Variants in KLHL32 observed in about 807,000 individuals in gnomAD.
The protein encoded by KLHL32 is kelch-like protein 32.
A neutral mutation model predicts 64.8 loss-of-function variants in KLHL32; 35 were observed. That is an observed-to-expected ratio of 0.54 (90% CI 0.41 to 0.72). The LOEUF (loss-of-function observed/expected upper bound fraction) is 0.72, where lower values mean the gene tolerates loss of function less well. KLHL32 is among the 30% of genes least tolerant of loss of function. The probability of loss-of-function intolerance (pLI) is 0.00; values close to 1 mark genes in which losing one functional copy is unlikely to be tolerated. For synonymous variants in KLHL32, 259 were observed against 281.0 expected (o/e 0.92, Z 0.78); for missense variants, 589 against 768.5 (o/e 0.77, Z 2.76).
chr6:97,101,744 T>C (rs997344918), intron 6 of KLHL32, among the ~76,000 whole-genome samples: 10 of 152,216 alleles, frequency 6.6e-5, no homozygotes, highest in Admixed American at 5.9e-4. Context: ...AGAGCTAGTT[T>C]ATAATCTGTT....
At chr6:96,950,310 C>T (rs1562184915) in intron 1 of KLHL32, among the ~76,000 whole-genome samples, 1 of 151,796 alleles carries the variant, frequency 6.6e-6, no homozygotes, top group South Asian at 2.1e-4. Flanking sequence ...AGGAACATAG[C>T]TCATTCTAGC....
intron 3 of KLHL32, among the ~76,000 whole-genome samples, chr6:96,993,659 C>A (rs770577272): frequency 1.8e-4 from 27 of 152,148 alleles, no homozygotes; most frequent in Non-Finnish European, 3.5e-4. Context: ...GATTTTTACC[C>A]TACTTGCAAG....
chr6:96,975,923 C>T, intron 2 of KLHL32, 74 bp from the exon 3 acceptor site: 1 of 1,274,720 alleles, frequency 7.8e-7, no homozygotes, highest in Non-Finnish European at 1.1e-6. Context: ...AGTCGATGTT[C>T]AAGGAATGAG....
chr6:97,085,165 G>T lies in KLHL32; in HGVS notation c.451G>T (p.Ala151Ser), dbSNP rs1390075386. Reference sequence around the variant, plus strand: ...TAATTACTTGGATCTGTACAGACTTGCTGACCTCTTTAACCTCACTTTGTT... The same window carrying T: ...TAATTACTTGGATCTGTACAGACTTTCTGACCTCTTTAACCTCACTTTGTT... ...SFNYLDLYRL[A>S]DLFNLTLLEK... The change falls in exon 6 of 11, where the codon GCT becomes TCT. Residue 151 changes from alanine to serine, a missense_variant. Ala to Ser is a moderately conservative substitution (Grantham distance 99). Transcript: ENST00000369261. 3.7e-6 allele frequency: 6 copies of T among 1,613,908 alleles called. No individual in the cohort carries two copies. Among genetic ancestry groups the T allele is most frequent in the Non-Finnish European group, 4.2e-6 (5 of 1,180,000 alleles).
chr6:97,117,878 C>G (rs1448214239), intron 7 of KLHL32, among the ~76,000 whole-genome samples: 1 of 151,976 alleles, frequency 6.6e-6, no homozygotes, highest in Non-Finnish European at 1.5e-5. Flanking sequence ...AAATAAGAGG[C>G]TAACTGCAAA....
rs191380365 is a variant in KLHL32 at position 97,040,773 on chromosome 6, G to A, written c.205-719G>A. ...TGGAGGGTAATTGGATCATGGGGGCGATTTCCCCCATGCTGTTCTCATGAT... is the reference window on the plus strand; with the variant it reads ...TGGAGGGTAATTGGATCATGGGGGCAATTTCCCCCATGCTGTTCTCATGAT... On this transcript the variant is annotated intron_variant, in intron 3 of 10. Coordinates refer to ENST00000369261, the MANE Select transcript of KLHL32 (RefSeq NM_052904.4). Among the ~76,000 whole-genome samples, 419 of 152,272 alleles carry A rather than the reference G, an allele frequency of 2.8e-3. 2 individuals carry two copies. The highest frequency in any genetic ancestry group is 6.0e-3 in the South Asian group (29 of 4,826).
intron 1 of KLHL32, among the ~76,000 whole-genome samples, chr6:96,930,982 G>T (rs957270008): frequency 6.6e-5 from 10 of 152,040 alleles, no homozygotes; most frequent in African/African-American, 1.4e-4. Context: ...GTACCTGGCG[G>T]GTACAGACCT....
upstream of KLHL32, among the ~76,000 whole-genome samples, chr6:96,922,106 T>C (rs1286834424): frequency 6.6e-6 from 1 of 152,160 alleles, no homozygotes; most frequent in African/African-American, 2.4e-5. Flanking sequence ...CAATTTCCTA[T>C]AGTGAATATA....
chr6:96,957,247 T>C (rs1315028144), intron 1 of KLHL32, among the ~76,000 whole-genome samples: 1 of 152,186 alleles, frequency 6.6e-6, no homozygotes, highest in South Asian at 2.1e-4. Flanking sequence ...GGAGTCTGGA[T>C]TACATCTAGA....
intron 6 of KLHL32, among the ~76,000 whole-genome samples, chr6:97,097,669 A>G (rs1466411698): frequency 2.0e-5 from 3 of 152,028 alleles, no homozygotes; most frequent in African/African-American, 7.3e-5. Context: ...GCTCAAAGGC[A>G]CAACACATCT....
intron 2 of KLHL32, 87 bp from the exon 3 acceptor site, chr6:96,975,910 C>A (rs1775637880): frequency 1.8e-6 from 2 of 1,090,310 alleles, no homozygotes; most frequent in Non-Finnish European, 2.6e-6. Flanking sequence ...CCCGTGTTGC[C>A]TCAGTCGATG....
At chr6:97,065,679 T>C (rs1185643065) in intron 5 of KLHL32, among the ~76,000 whole-genome samples, 1 of 152,268 alleles carries the variant, frequency 6.6e-6, no homozygotes, top group Non-Finnish European at 1.5e-5. Flanking sequence ...TATGACATGA[T>C]ATTAGTGAGC....
At chr6:97,124,448 A>G (rs1408021034) in intron 7 of KLHL32, among the ~76,000 whole-genome samples, 5 of 152,234 alleles carry the variant, frequency 3.3e-5, no homozygotes, top group African/African-American at 1.2e-4. Context: ...AAGACAGTAA[A>G]TAATAATTCT....
chr6:97,075,304 A>G (rs980433645), intron 5 of KLHL32, among the ~76,000 whole-genome samples: 3 of 152,196 alleles, frequency 2.0e-5, no homozygotes, highest in Non-Finnish European at 4.4e-5. Flanking sequence ...ATGTTTGAAT[A>G]TATCATTACA....
At chr6:96,925,561 G>T (rs1328975366) in intron 1 of KLHL32, among the ~76,000 whole-genome samples, 1 of 152,168 alleles carries the variant, frequency 6.6e-6, no homozygotes, top group Non-Finnish European at 1.5e-5. Context: ...AAAGATGACT[G>T]CAGTTTAGAT....
At chr6:97,102,047 A>T (rs1360084872) in intron 6 of KLHL32, among the ~76,000 whole-genome samples, 1 of 152,134 alleles carries the variant, frequency 6.6e-6, no homozygotes, top group Non-Finnish European at 1.5e-5. Flanking sequence ...CTTCCGTAGA[A>T]CCCTATGACA....
intron 3 of KLHL32, among the ~76,000 whole-genome samples, chr6:97,001,883 G>A (rs957886298): frequency 2.0e-5 from 3 of 152,166 alleles, no homozygotes; most frequent in African/African-American, 7.2e-5. Flanking sequence ...GTATGTATAT[G>A]CCTAAGAAGA....
At chr6:96,932,049 C>T (rs1172460763) in intron 1 of KLHL32, among the ~76,000 whole-genome samples, 1 of 151,992 alleles carries the variant, frequency 6.6e-6, no homozygotes, top group Non-Finnish European at 1.5e-5. Context: ...CTCATCTACT[C>T]TGCTTGACAT....
intron 3 of KLHL32, among the ~76,000 whole-genome samples, chr6:97,000,375 G>C (rs1021545417): frequency 2.0e-5 from 3 of 152,320 alleles, no homozygotes; most frequent in African/African-American, 7.2e-5. Context: ...TACACACTGT[G>C]TCAGTTCAAT....
Sources: gnomAD v4.1 joint callset for allele counts (sites outside exome capture counted in the v4.1 genomes callset) on GRCh38, gnomAD v4.1.1 for gene constraint, MANE v1.5 for transcripts, NCBI Gene and HGNC (gene_info 2026-07-23, HGNC 2026-07-21) for gene names.